The following ROPN1L variants were observed in gnomAD, a reference collection of about 807,000 sequenced individuals.
The protein encoded by ROPN1L is rhophilin associated tail protein 1 like, also known as ropporin-1-like protein.
In ROPN1L, 23 loss-of-function variants were observed where a neutral mutation model predicts 22.7. The observed-to-expected ratio is 1.01, with a 90% CI of 0.73 to 1.43. ROPN1L has a LOEUF of 1.43. Among genes scored for constraint, ROPN1L ranks in the 40% most tolerant of loss-of-function variants. ROPN1L has a pLI of 0.00. For synonymous variants in ROPN1L, 116 were observed against 117.8 expected, an observed-to-expected ratio of 0.98 and a Z score of 0.10; for missense variants, 271 against 291.5, an observed-to-expected ratio of 0.93 and a Z score of 0.51.
chr5:10,458,665 C>CT (rs1419433158), intron 3 of ROPN1L, among the ~76,000 whole-genome samples: 6 of 73,504 alleles, frequency 8.2e-5, no homozygotes, highest in Admixed American at 6.4e-4. Flanking sequence ...CACCATCCCC[C>CT]CATGTACACC....
chr5:10,464,835 G>C lies in ROPN1L; in HGVS notation c.594-13G>C, dbSNP rs184026986. ...AAATTACCAATAAATATCTTTATCT[G>C]TTTCCAATTTAGAGACGCCAGGAAG... On this transcript the variant is annotated splice_polypyrimidine_tract_variant and intron_variant, in intron 4 of 4. Coordinates refer to ENST00000274134, the MANE Select transcript of ROPN1L (RefSeq NM_031916.5). 475 of 1,512,812 alleles carry C rather than the reference G, an allele frequency of 3.1e-4. 3 individuals carry two copies. The East Asian group carries it at 0.011, about 34-fold the overall frequency. The allele number at this position is 1,512,812 out of a possible 1,614,324, so 93.7% of individuals were successfully genotyped here.
At chr5:10,455,650 T>G (rs1316040015) in intron 3 of ROPN1L, among the ~76,000 whole-genome samples, 2 of 152,238 alleles carry the variant, frequency 1.3e-5, no homozygotes, top group Non-Finnish European at 2.9e-5. Context: ...CGGGGTGAAC[T>G]GCTCCTTCCC....
chr5:10,482,707 T>C, the ROPN1L span, among the ~76,000 whole-genome samples: 10 of 152,158 alleles, frequency 6.6e-5, no homozygotes, highest in African/African-American at 2.4e-4. Context: ...TAATTTCCCC[T>C]CAAATTTCAG....
downstream of ROPN1L, among the ~76,000 whole-genome samples, chr5:10,474,725 G>T (rs2126486338): frequency 6.6e-6 from 1 of 152,342 alleles, no homozygotes; most frequent in East Asian, 1.9e-4. Context: ...GGATCATGTT[G>T]CTAAGTTTAC....
At chr5:10,470,610 T>C (rs1579664148) in intron 4 of ROPN1L, among the ~76,000 whole-genome samples, 1 of 152,276 alleles carries the variant, frequency 6.6e-6, no homozygotes, top group African/African-American at 2.4e-5. Context: ...TTCCCCGAGG[T>C]TGGAGCAGGG....
chr5:10,477,728 A>ATTTG, the ROPN1L span, among the ~76,000 whole-genome samples: 1 of 152,134 alleles, frequency 6.6e-6, no homozygotes, highest in Admixed American at 6.5e-5. Context: ...TCAGGAGTTC[A>ATTTG]AGACCAGCCT....
rs572375972 is a variant in ROPN1L, at chr5:10,461,246, C to T, written c.480C>T (p.Pro160=). Residue 160 remains proline, a synonymous_variant, in exon 4 of 5, where the codon CCC becomes CCT. Coordinates refer to ENST00000274134, the MANE Select transcript of ROPN1L (RefSeq NM_031916.5). The part of the protein sequence containing the change: ...EILTDDPEGG[P]ARIPFKTFSY... ...TCACGGACGATCCGGAGGGCGGGCC[C>T]GCTCGCATCCCCTTCAAGACGTTTT... is the stretch of plus-strand genomic sequence containing the variant. 15 of 1,614,166 alleles carry T rather than the reference C, an allele frequency of 9.3e-6. No homozygotes were observed. The Middle Eastern group carries it at 4.9e-4, about 53-fold the overall frequency.
intron 1 of ROPN1L, among the ~76,000 whole-genome samples, chr5:10,444,983 A>T (rs1741008889): frequency 6.6e-6 from 1 of 151,998 alleles, no homozygotes; most frequent in Non-Finnish European, 1.5e-5. Flanking sequence ...CCATTTATTT[A>T]TTTATTTTTT....
intron 3 of ROPN1L, among the ~76,000 whole-genome samples, chr5:10,455,599 C>T (rs1163491107): frequency 6.6e-6 from 1 of 152,268 alleles, no homozygotes; most frequent in African/African-American, 2.4e-5. Flanking sequence ...CCGCTGTGGC[C>T]TCCCCATCCC....
chr5:10,480,178 T>C, the ROPN1L span, among the ~76,000 whole-genome samples: 1 of 152,250 alleles, frequency 6.6e-6, no homozygotes, highest in Non-Finnish European at 1.5e-5. Flanking sequence ...CCAATGTAGT[T>C]ATTTCAGCTG....
chr5:10,474,688 C>T (rs1159275209), downstream of ROPN1L, among the ~76,000 whole-genome samples: 1 of 152,232 alleles, frequency 6.6e-6, no homozygotes, highest in African/African-American at 2.4e-5. Context: ...GACGCTCCAC[C>T]CATGGAGAAG....
intron 1 of ROPN1L, among the ~76,000 whole-genome samples, chr5:10,446,234 G>A (rs1046283634): frequency 6.6e-6 from 1 of 152,192 alleles, no homozygotes; most frequent in African/African-American, 2.4e-5. Flanking sequence ...GGCATTTCCA[G>A]CCTCGGCCCT....
intron 2 of ROPN1L, among the ~76,000 whole-genome samples, 192 bp downstream of exon 2, chr5:10,448,575 T>A (rs1579644078): frequency 6.6e-6 from 1 of 152,214 alleles, no homozygotes; most frequent in East Asian, 1.9e-4. Flanking sequence ...GTCTGGGAGG[T>A]CTTTTTCTAG....
downstream of ROPN1L, among the ~76,000 whole-genome samples, chr5:10,468,168 C>T (rs1194721516): frequency 6.6e-6 from 1 of 152,240 alleles, no homozygotes; most frequent in Non-Finnish European, 1.5e-5. Context: ...TTGACTGTCA[C>T]CATTGGGGCT....
At chr5:10,462,881 C>G (rs1735063903) in intron 4 of ROPN1L, among the ~76,000 whole-genome samples, 1 of 141,292 alleles carries the variant, frequency 7.1e-6, no homozygotes, top group Non-Finnish European at 1.5e-5. Flanking sequence ...AAGATCGAGA[C>G]TCCGTCTCAA....
intron 3 of ROPN1L, among the ~76,000 whole-genome samples, chr5:10,458,283 C>T (rs994002229): frequency 1.3e-4 from 19 of 151,930 alleles, no homozygotes; most frequent in African/African-American, 3.6e-4. Flanking sequence ...CTCCTGGCTG[C>T]GCCTTTCAAG....
At chr5:10,458,380 T>C (rs1734893505) in intron 3 of ROPN1L, among the ~76,000 whole-genome samples, 2 of 151,796 alleles carry the variant, frequency 1.3e-5, no homozygotes, top group South Asian at 2.1e-4. Context: ...CTCGTGGGGC[T>C]CGGCTGTATA....
chr5:10,450,817 TTAA>T (rs1741231552), intron 3 of ROPN1L, among the ~76,000 whole-genome samples: 1 of 152,186 alleles, frequency 6.6e-6, no homozygotes, highest in South Asian at 2.1e-4. Context: ...AAATCTATTA[TTAA>T]TAACTAATAG....
chr5:10,470,213 T>C (rs896373295), intron 4 of ROPN1L, among the ~76,000 whole-genome samples: 1 of 152,246 alleles, frequency 6.6e-6, no homozygotes, highest in African/African-American at 2.4e-5. Context: ...GAATGAAATG[T>C]GTTCAGGTCC....
Sources: allele counts gnomAD v4.1 joint callset (sites outside exome capture counted in the v4.1 genomes callset), GRCh38; gene constraint gnomAD v4.1.1; transcripts MANE v1.5; gene names NCBI Gene and HGNC (gene_info 2026-07-23, HGNC 2026-07-21).